ZNF76: variants seen among roughly 807,000 people sequenced by gnomAD.
The protein encoded by ZNF76 is zinc finger protein 523.
In ZNF76, 66 loss-of-function variants were observed where a neutral mutation model predicts 66.9. The observed-to-expected ratio is 0.99, with a 90% CI of 0.81 to 1.21. The LOEUF (loss-of-function observed/expected upper bound fraction) is 1.21, where lower values mean the gene tolerates loss of function less well. ZNF76 is among the 50% of genes most tolerant of loss of function. The pLI, the probability that ZNF76 is intolerant of heterozygous loss-of-function variation, is 0.00. For missense variants in ZNF76, 729 were observed against 760.3 expected (o/e 0.96, Z 0.48); for synonymous variants, 275 against 296.1 (o/e 0.93, Z 0.73).
At position 35,295,527 on chromosome 6, in the gene ZNF76, TCTC is replaced by T. The variant is rs1181740255; in HGVS notation, c.*285_*287del. 4.5e-6 allele frequency: 2 copies of T among 445,782 alleles called. No homozygotes were observed. The highest frequency in any genetic ancestry group is 2.0e-5 in the South Asian group (1 of 49,120). 27.6% of individuals were successfully genotyped at this position (445,782 alleles called of 1,614,324 possible). On this transcript the variant is annotated 3_prime_UTR_variant, in exon 14 of 14. Transcript: ENST00000373953. ...CTCTCAAAATCAGCTGGGCGCCCAC[TCTC>T]CTCCTAAAGAACACCCTTCTGGCCC... is the stretch of plus-strand genomic sequence containing the variant.
intron 1 of ZNF76, among the ~76,000 whole-genome samples, chr6:35,276,024 A>G (rs1460116422): frequency 3.3e-5 from 5 of 151,984 alleles, no homozygotes; most frequent in Non-Finnish European, 5.9e-5. Context: ...GCTTCAACAC[A>G]TAGTAGTGTT....
intron 1 of ZNF76, among the ~76,000 whole-genome samples, chr6:35,263,174 C>A (rs1228800089): frequency 1.3e-5 from 2 of 152,210 alleles, no homozygotes; most frequent in Admixed American, 1.3e-4. Context: ...ACACTCTTCT[C>A]TGGGAACTTC....
intron 1 of ZNF76, among the ~76,000 whole-genome samples, chr6:35,277,319 G>A (rs760465961): frequency 2.1e-4 from 32 of 152,272 alleles, no homozygotes; most frequent in Admixed American, 5.9e-4. Flanking sequence ...TCAGATGTCA[G>A]AATCCCCACC....
chr6:35,274,436 A>G (rs1787585612), intron 1 of ZNF76, among the ~76,000 whole-genome samples: 1 of 152,206 alleles, frequency 6.6e-6, no homozygotes, highest in Non-Finnish European at 1.5e-5. Context: ...GTAGGTCTCA[A>G]CCATGATAAA....
At chr6:35,294,954 G>GCCAT in intron 13 of ZNF76, 190 bp from the exon 14 acceptor site, 1 of 596,386 alleles carries the variant, frequency 1.7e-6, no homozygotes, top group South Asian at 2.0e-5. Flanking sequence ...GGGCCCCCTG[G>GCCAT]CCATGCCTAG....
intron 1 of ZNF76, among the ~76,000 whole-genome samples, chr6:35,269,213 G>A (rs750810696): frequency 1.9e-4 from 28 of 150,616 alleles, no homozygotes; most frequent in Non-Finnish European, 2.7e-4. Flanking sequence ...CCTGGGAGGC[G>A]GAGGTTGTGG....
chr6:35,284,387 C>A (rs1051562249), intron 2 of ZNF76, among the ~76,000 whole-genome samples: 1 of 151,454 alleles, frequency 6.6e-6, no homozygotes, highest in South Asian at 2.1e-4. Context: ...AGCCACCACA[C>A]CCAGCCTTAC....
chr6:35,282,136 A>G (rs913424281), intron 2 of ZNF76, among the ~76,000 whole-genome samples: 1 of 152,172 alleles, frequency 6.6e-6, no homozygotes, highest in East Asian at 1.9e-4. Context: ...TATACCACAT[A>G]CTAGGGACAT....
chr6:35,287,644 A>G lies in ZNF76; in HGVS notation c.233-2A>G, dbSNP rs757877078. On this transcript the variant is annotated splice_acceptor_variant, in intron 4 of 13. Transcript: ENST00000373953. LOFTEE classifies it high-confidence loss of function. This position sits in a 1 kb window ranked among gnomAD's most constrained non-coding sequence, Gnocchi z 4.0. Reference sequence around the variant, plus strand: ...TCAGGGCTAACCGCGTGTTCCCTGCAGAAGGCTATGACCCCAGCACCCTGG... The same window carrying G: ...TCAGGGCTAACCGCGTGTTCCCTGCGGAAGGCTATGACCCCAGCACCCTGG... 1.2e-6 allele frequency: 2 copies of G among 1,606,640 alleles called. No homozygotes were observed. The highest frequency in any genetic ancestry group is 1.7e-6 in the Non-Finnish European group (2 of 1,175,608).
chr6:35,266,687 C>T (rs1786137098), intron 1 of ZNF76, among the ~76,000 whole-genome samples: 1 of 152,068 alleles, frequency 6.6e-6, no homozygotes, highest in Admixed American at 6.6e-5. Flanking sequence ...GGTGTTAGGC[C>T]CTGCTCTGCC....
intron 1 of ZNF76, among the ~76,000 whole-genome samples, chr6:35,266,897 T>C (rs1376689073): frequency 1.4e-5 from 2 of 137,964 alleles, no homozygotes; most frequent in Non-Finnish European, 3.0e-5. Flanking sequence ...GCCTCCCGGG[T>C]TCACGCCATT....
Position 35,292,454 on chromosome 6 carries a change from T to C in ZNF76, c.932-100T>C, listed in dbSNP as rs1790540275. 8 of 1,258,518 alleles carry C rather than the reference T, an allele frequency of 6.4e-6. No homozygotes were observed. The highest frequency in any genetic ancestry group is 9.1e-6 in the Non-Finnish European group (8 of 882,388). The allele number at this position is 1,258,518 out of a possible 1,614,324, so 78.0% of individuals were successfully genotyped here. A position where few individuals can be genotyped will look rare whatever the true frequency, so the allele number is the denominator to read the frequency against. On this transcript the variant is annotated intron_variant, in intron 9 of 13. Transcript: ENST00000373953. This position sits in a 1 kb window ranked among gnomAD's most constrained non-coding sequence, Gnocchi z 4.7. ...TCAGGTCTCAGTCCCTCTCCCTCCC[T>C]CTGGCTCTCCCTTCACCAACCCTGT...
rs538323620 is a variant in ZNF76 at position 35,270,564 on chromosome 6, TTTTG to T, written c.-96-10479_-96-10476del. On this transcript the variant is annotated intron_variant, in intron 1 of 13. Coordinates refer to ENST00000373953, the MANE Select transcript of ZNF76 (RefSeq NM_003427.5). ...AATTTCTTGACTATCCTTCCACAGA[TTTTG>T]TTTGTTTGTTTGAGATGGAGTCTCG... 5.1e-3 allele frequency: 770 copies of T among 152,206 alleles called. 5 individuals are homozygous for T. Among genetic ancestry groups the T allele is most frequent in the African/African-American group, 0.015 (628 of 41,520 alleles). The allele number at this position is 152,206 out of a possible 1,614,324, so 9.4% of individuals were successfully genotyped here.
chr6:35,267,607 G>A (rs1786345083), intron 1 of ZNF76, among the ~76,000 whole-genome samples: 1 of 152,218 alleles, frequency 6.6e-6, no homozygotes, highest in South Asian at 2.1e-4. Context: ...CTGCCATGTG[G>A]TGGGCACTAT....
rs1287592929 is a variant in ZNF76 at position 35,275,154 on chromosome 6, C to CA, written c.-96-5891dup. Among the ~76,000 whole-genome samples, 406 of 136,250 alleles carry CA rather than the reference C, an allele frequency of 3.0e-3. 2 individuals carry two copies. Among genetic ancestry groups the CA allele is most frequent in the Middle Eastern group, 0.011 (3 of 272 alleles). 89.4% of individuals were successfully genotyped at this position (136,250 alleles called of 152,430 possible). A position where few individuals can be genotyped will look rare whatever the true frequency, so the allele number is the denominator to read the frequency against. The stretch of plus-strand genomic sequence containing the variant: ...TGGGCGTGAGAGCAAGACTCCATCT[C>CA]AAAAAAAAAAAGAAAAAAAATTGCA... On this transcript the variant is annotated intron_variant, in intron 1 of 13. Coordinates refer to ENST00000373953, the MANE Select transcript of ZNF76 (RefSeq NM_003427.5).
intron 1 of ZNF76, among the ~76,000 whole-genome samples, chr6:35,277,140 C>T (rs1788035561): frequency 6.6e-6 from 1 of 152,052 alleles, no homozygotes; most frequent in East Asian, 1.9e-4. Flanking sequence ...TGTCTTCTGA[C>T]ACAGTGCAGT....
chr6:35,291,149 G>T (rs1790315694), intron 7 of ZNF76, 129 bp from the exon 8 acceptor site: 2 of 1,289,902 alleles, frequency 1.6e-6, no homozygotes, highest in African/African-American at 3.0e-5. Context: ...GCCCAGGGCA[G>T]GGGTGGGATA....
intron 1 of ZNF76, among the ~76,000 whole-genome samples, chr6:35,274,139 G>A (rs1787548442): frequency 6.6e-6 from 1 of 152,102 alleles, no homozygotes; most frequent in Non-Finnish European, 1.5e-5. Context: ...CCAAACTAAT[G>A]TGTCTTTTTT....
rs1788707045 is a variant in ZNF76 at position 35,281,064 on chromosome 6, C to T, written c.-88C>T. 8 of 1,265,560 alleles carry T rather than the reference C, an allele frequency of 6.3e-6. No homozygotes were observed. The Admixed American group carries it at 1.3e-4, about 21-fold the overall frequency. The allele number at this position is 1,265,560 out of a possible 1,614,324, so 78.4% of individuals were successfully genotyped here. On this transcript the variant is annotated 5_prime_UTR_variant, in exon 2 of 14. Coordinates refer to ENST00000373953, the MANE Select transcript of ZNF76 (RefSeq NM_003427.5). Reference sequence around the variant, plus strand: ...ACTGTTTATTTTCTTAGATTTGTGACCCAGAAGGAAATCTCTGACCTCAGC... The same window carrying T: ...ACTGTTTATTTTCTTAGATTTGTGATCCAGAAGGAAATCTCTGACCTCAGC...
Sources: gnomAD v4.1 joint callset for allele counts (sites outside exome capture counted in the v4.1 genomes callset) on GRCh38, gnomAD v4.1.1 for gene constraint, Gnocchi (gnomAD v3.1) non-coding constraint, MANE v1.5 for transcripts, NCBI Gene and HGNC (gene_info 2026-07-23, HGNC 2026-07-21) for gene names.